BCL11B: variants seen among roughly 807,000 people sequenced by gnomAD.
The protein encoded by BCL11B is BCL11 transcription factor B, also known as B-cell lymphoma/leukemia 11B.
A neutral mutation model predicts 49.9 loss-of-function variants in BCL11B; 8 were observed. That is an observed-to-expected ratio of 0.16 (90% CI 0.09 to 0.29). The LOEUF (loss-of-function observed/expected upper bound fraction) is 0.29, where lower values mean the gene tolerates loss of function less well. Ranked by LOEUF, BCL11B falls within the 10% of genes least tolerant of loss-of-function variation. The pLI, the probability that BCL11B is intolerant of heterozygous loss-of-function variation, is 1.00. For missense variants in BCL11B, 1,006 were observed against 1,351.0 expected (o/e 0.74, Z 4.00); for synonymous variants, 739 against 637.4 (o/e 1.16, Z -2.40).
chr14:99,224,128 C>T (rs1888093049), intron 3 of BCL11B, among the ~76,000 whole-genome samples: 2 of 152,172 alleles, frequency 1.3e-5, no homozygotes, highest in South Asian at 4.1e-4. Context: ...TCCCAGGTAC[C>T]ATATCAGAGT....
At chr14:99,216,949 C>G (rs1887855357) in intron 3 of BCL11B, among the ~76,000 whole-genome samples, 1 of 152,140 alleles carries the variant, frequency 6.6e-6, no homozygotes, top group Non-Finnish European at 1.5e-5. Flanking sequence ...CATGTGTACA[C>G]ACATCTGCAC....
rs1886380252 is a variant in BCL11B, at chr14:99,174,043, G to A, written c.*108C>T. On this transcript the variant is annotated 3_prime_UTR_variant, in exon 4 of 4. Transcript: ENST00000357195. ...GAGTGCCGCCTCCCCTGGGCCCCGG[G>A]GACACGCGGGGTGCGGGGTGGCGGT... is the stretch of plus-strand genomic sequence containing the variant. 6 of 1,169,020 alleles carry A rather than the reference G, an allele frequency of 5.1e-6. No homozygotes were observed. Among genetic ancestry groups the A allele is most frequent in the Non-Finnish European group, 2.4e-6 (2 of 832,022 alleles). The allele number at this position is 1,169,020 out of a possible 1,614,324, so 72.4% of individuals were successfully genotyped here. A position where few individuals can be genotyped will look rare whatever the true frequency, so the allele number is the denominator to read the frequency against.
chr14:99,197,699 G>T (rs770277186), intron 3 of BCL11B, among the ~76,000 whole-genome samples: 1 of 152,120 alleles, frequency 6.6e-6, no homozygotes, highest in African/African-American at 2.4e-5. Context: ...TATTTCTAAC[G>T]TCTCTATCTG....
At position 99,184,063 on chromosome 14, in the gene BCL11B, G is replaced by A. The variant is rs1349349673; in HGVS notation, c.641-7868C>T. Among the ~76,000 whole-genome samples the A allele has an allele frequency of 6.6e-6, 1 of 152,078 alleles. No individual in the cohort carries two copies. The highest frequency in any genetic ancestry group is 1.5e-5 in the Non-Finnish European group (1 of 68,010). On this transcript the variant is annotated intron_variant, in intron 3 of 3. Transcript: ENST00000357195. The surrounding 1 kb of genome is among the most constrained non-coding windows in gnomAD (Gnocchi z 6.1). ...GATCTTCCCAAATCACAGAGCTGGTGGGGCCTCCCTGATACCCAGGACGAT... is the reference window on the plus strand; with the variant it reads ...GATCTTCCCAAATCACAGAGCTGGTAGGGCCTCCCTGATACCCAGGACGAT...
Position 99,171,250 on chromosome 14 carries a change from T to G in BCL11B, c.*2901A>C, listed in dbSNP as rs1886280466. 1 of 227,006 alleles carries G rather than the reference T, an allele frequency of 4.4e-6. No individual in the cohort carries two copies. The highest frequency in any genetic ancestry group is 2.2e-5 in the African/African-American group (1 of 44,972). The allele number at this position is 227,006 out of a possible 1,614,324, so 14.1% of individuals were successfully genotyped here. A position where few individuals can be genotyped will look rare whatever the true frequency, so the allele number is the denominator to read the frequency against. ...ACAAAAAATATATACAACTAAATGA[T>G]TTGTGAACCAAAGCATTTAACTACT... On this transcript the variant is annotated 3_prime_UTR_variant, in exon 4 of 4. Coordinates refer to ENST00000357195, the MANE Select transcript of BCL11B (RefSeq NM_138576.4).
intron 3 of BCL11B, among the ~76,000 whole-genome samples, chr14:99,197,968 G>A (rs925678460): frequency 4.6e-5 from 7 of 152,164 alleles, no homozygotes; most frequent in African/African-American, 1.2e-4. Flanking sequence ...CACAGGACGC[G>A]GGCTGTGTCG....
chr14:99,177,139 C>T (rs568134036), intron 3 of BCL11B, among the ~76,000 whole-genome samples: 2 of 152,164 alleles, frequency 1.3e-5, no homozygotes, highest in South Asian at 2.1e-4. Context: ...GCCCAAACAC[C>T]GCTTGGAATT....
rs769798100 is a variant in BCL11B at position 99,176,150 on chromosome 14, G to T, written c.686C>A (p.Pro229His). The part of the protein sequence containing the change: ...SSYICTTCKQ[P>H]FNSAWFLLQH... ...CAGCAGGAACCACGCGCTGTTGAAG[G>T]GCTGCTTGCATGTTGTGCAAATGTA... Residue 229 changes from proline (P) to histidine (H), a missense_variant, in exon 4 of 4, where the codon CCC (proline) becomes CAC (histidine). By Grantham distance (77) the Pro-to-His change is moderately conservative (BLOSUM62 -2). Coordinates refer to ENST00000357195, the MANE Select transcript of BCL11B (RefSeq NM_138576.4). The T allele has an allele frequency of 6.2e-7, 1 of 1,612,462 alleles. No homozygotes were observed. The highest frequency in any genetic ancestry group is 8.5e-7 in the Non-Finnish European group (1 of 1,179,124).
At chr14:99,193,692 A>G (rs1887102416) in intron 3 of BCL11B, among the ~76,000 whole-genome samples, 1 of 152,246 alleles carries the variant, frequency 6.6e-6, no homozygotes, top group Admixed American at 6.5e-5. Context: ...AGAGAAACCA[A>G]CAGCCAAACA....
intron 3 of BCL11B, among the ~76,000 whole-genome samples, chr14:99,215,355 C>G (rs1444314132): frequency 6.6e-6 from 1 of 152,166 alleles, no homozygotes; most frequent in Non-Finnish European, 1.5e-5. Context: ...TTTCGGAGAC[C>G]GCAGTCTATT....
At chr14:99,271,114 C>T (rs1022731190) in intron 1 of BCL11B, 47 bp downstream of exon 1, 8 of 1,508,196 alleles carry the variant, frequency 5.3e-6, no homozygotes, top group South Asian at 4.9e-5. Context: ...CCCCAGACGC[C>T]CGGAGCCCCA....
At chr14:99,222,870 CTTCCT>C (rs1888052009) in intron 3 of BCL11B, among the ~76,000 whole-genome samples, 1 of 150,048 alleles carries the variant, frequency 6.7e-6, no homozygotes, top group Non-Finnish European at 1.5e-5. Flanking sequence ...TCCTTCTTTC[CTTCCT>C]TTCTTTCCTT....
intron 3 of BCL11B, among the ~76,000 whole-genome samples, chr14:99,206,763 T>A (rs1887543773): frequency 6.6e-6 from 1 of 152,228 alleles, no homozygotes; most frequent in Admixed American, 6.5e-5. Context: ...TTAAACTTTA[T>A]CATAGGTATG....
At chr14:99,189,638 G>C (rs1333670999) in intron 3 of BCL11B, among the ~76,000 whole-genome samples, 1 of 152,200 alleles carries the variant, frequency 6.6e-6, no homozygotes, top group Non-Finnish European at 1.5e-5. Context: ...TCCAGCCTGC[G>C]GCCCCAGCAG....
At chr14:99,269,524 C>A (rs113703152) in intron 1 of BCL11B, among the ~76,000 whole-genome samples, 4 of 150,370 alleles carry the variant, frequency 2.7e-5, no homozygotes, top group Admixed American at 2.0e-4. Context: ...TTCCCCCCCC[C>A]CCAAAAAAAA....
In BCL11B at chr14:99,271,803, G is replaced by A. The variant is rs1889699769; in HGVS notation, c.-585C>T. Among the ~76,000 whole-genome samples, 3 of 152,038 alleles carry A rather than the reference G, an allele frequency of 2.0e-5. No homozygotes were observed. Among genetic ancestry groups the A allele is most frequent in the Admixed American group, 1.3e-4 (2 of 15,260 alleles). Reference sequence around the variant, plus strand: ...AAAAAAAAAGCAAAGAAAACTTGGGGACTTGTCTCGTACCCCCTCACCCCG... The same window carrying A: ...AAAAAAAAAGCAAAGAAAACTTGGGAACTTGTCTCGTACCCCCTCACCCCG... On this transcript the variant is annotated 5_prime_UTR_variant, in exon 1 of 4. Coordinates refer to ENST00000357195, the MANE Select transcript of BCL11B (RefSeq NM_138576.4).
At chr14:99,246,827 G>A (rs1420471026) in intron 2 of BCL11B, among the ~76,000 whole-genome samples, 1 of 152,174 alleles carries the variant, frequency 6.6e-6, no homozygotes, top group African/African-American at 2.4e-5. Context: ...AGGAGGCCAA[G>A]CTTGAGGAGG....
intron 3 of BCL11B, among the ~76,000 whole-genome samples, chr14:99,217,590 C>A (rs573066256): frequency 6.6e-6 from 1 of 152,316 alleles, no homozygotes; most frequent in East Asian, 1.9e-4. Flanking sequence ...GTCAGGTCCA[C>A]CTTATCCAGG....
rs988453031 is a variant in BCL11B, at chr14:99,231,409, C to G, written c.576G>C (p.Ser192=). Reference sequence around the variant, plus strand: ...GACCCTCACCCTGAGTCCCGTCACCCGAGACCGGGCGCGCGCTGCAGCACG... The same window carrying G: ...GACCCTCACCCTGAGTCCCGTCACCGGAGACCGGGCGCGCGCTGCAGCACG... The part of the protein sequence containing the change: ...PLPCCSARPV[S]GDGTQGEGQT... Residue 192 remains serine, a synonymous_variant, in exon 3 of 4, where the codon TCG becomes TCC. Coordinates refer to ENST00000357195, the MANE Select transcript of BCL11B (RefSeq NM_138576.4). The surrounding 1 kb of genome is among the most constrained non-coding windows in gnomAD (Gnocchi z 8.1). 3 of 1,597,322 alleles carry G rather than the reference C, an allele frequency of 1.9e-6. No homozygotes were observed. The highest frequency in any genetic ancestry group is 2.6e-6 in the Non-Finnish European group (3 of 1,171,782).
Sources: gnomAD v4.1 joint callset for allele counts (sites outside exome capture counted in the v4.1 genomes callset) on GRCh38, gnomAD v4.1.1 for gene constraint, Gnocchi (gnomAD v3.1) non-coding constraint, MANE v1.5 for transcripts, NCBI Gene and HGNC (gene_info 2026-07-23, HGNC 2026-07-21) for gene names.